Variants in UBA2 observed in about 807,000 individuals in gnomAD.
The protein encoded by UBA2 is SUMO-activating enzyme subunit 2.
A neutral mutation model predicts 77.2 loss-of-function variants in UBA2; 11 were observed. That is an observed-to-expected ratio of 0.14 (90% CI 0.09 to 0.24). The LOEUF (loss-of-function observed/expected upper bound fraction) is 0.24, where lower values mean the gene tolerates loss of function less well. UBA2 is among the 10% of genes least tolerant of loss of function. The pLI, the probability that UBA2 is intolerant of heterozygous loss-of-function variation, is 1.00. For missense variants in UBA2, 487 were observed against 781.7 expected (o/e 0.62, Z 4.50); for synonymous variants, 278 against 276.7 (o/e 1.00, Z -0.05).
At chr19:34,435,097 T>C (rs1397081316) in intron 5 of UBA2, 129 bp downstream of exon 5, 2 of 678,420 alleles carry the variant, frequency 2.9e-6, no homozygotes, top group African/African-American at 1.9e-5. Flanking sequence ...TTTATGCTTA[T>C]ATAAAACTTA....
intron 14 of UBA2, among the ~76,000 whole-genome samples, chr19:34,462,156 G>A (rs2145564035): frequency 6.6e-6 from 1 of 152,242 alleles, no homozygotes; most frequent in South Asian, 2.1e-4. Flanking sequence ...CCAGAGGAAG[G>A]GGCAGTATTT....
In UBA2 at chr19:34,469,514, T is replaced by A; in HGVS notation, c.*293T>A. On this transcript the variant is annotated 3_prime_UTR_variant, in exon 17 of 17. Coordinates refer to ENST00000246548, the MANE Select transcript of UBA2 (RefSeq NM_005499.3). ...TAATGTAAATACCCGTAGGTATCAT[T>A]AATAGTTTCAAAATATTGTGGTTTA... 5.8e-6 allele frequency: 1 copy of A among 172,082 alleles called. No homozygotes were observed. Among genetic ancestry groups the A allele is most frequent in the Non-Finnish European group, 1.2e-5 (1 of 81,290 alleles). 10.7% of individuals were successfully genotyped at this position (172,082 alleles called of 1,614,324 possible).
In UBA2 at chr19:34,463,123, G is replaced by A. The variant is rs568966412; in HGVS notation, c.1499-903G>A. 2.0e-3 allele frequency among the ~76,000 whole-genome samples: 311 copies of A among 151,780 alleles called. 2 individuals are homozygous for A. Among genetic ancestry groups the A allele is most frequent in the African/African-American group, 7.2e-3 (299 of 41,400 alleles). The stretch of plus-strand genomic sequence containing the variant: ...AAAAAAAAAAAAAGAAAGAAAATTA[G>A]TTAGGCATGGTGGTGCACACCTGTA... On this transcript the variant is annotated intron_variant, in intron 14 of 16. Coordinates refer to ENST00000246548, the MANE Select transcript of UBA2 (RefSeq NM_005499.3).
chr19:34,440,130 C>G (rs767292449), intron 6 of UBA2, among the ~76,000 whole-genome samples: 1 of 151,916 alleles, frequency 6.6e-6, no homozygotes, highest in Non-Finnish European at 1.5e-5. Context: ...TTGAGAACAG[C>G]CTGGCCAACA....
chr19:34,456,087 T>C (rs1324925046), intron 12 of UBA2, among the ~76,000 whole-genome samples: 1 of 141,436 alleles, frequency 7.1e-6, no homozygotes, highest in African/African-American at 2.6e-5. Context: ...CGATGCGCTC[T>C]TTTTTTCCTT....
At chr19:34,459,558 G>C (rs118033570) in intron 13 of UBA2, among the ~76,000 whole-genome samples, 2,218 of 152,292 alleles carry the variant, frequency 0.015, 24 homozygotes, top group South Asian at 0.025. Flanking sequence ...CACCTCTGGA[G>C]CTGAAGCGAG....
At chr19:34,456,848 G>A (rs2075567930) in intron 12 of UBA2, among the ~76,000 whole-genome samples, 2 of 152,000 alleles carry the variant, frequency 1.3e-5, no homozygotes, top group African/African-American at 2.4e-5. Context: ...GTGAGCCACC[G>A]TTCCTGGCCG....
chr19:34,433,381 T>G lies in UBA2; in HGVS notation c.327T>G (p.Phe109Leu). Residue 109 changes from phenylalanine (F) to leucine (L), a missense_variant, in exon 4 of 17, where the codon TTT becomes TTG. Physicochemically the swap from Phe to Leu is conservative, Grantham distance 22 (BLOSUM62 0). This residue lies in a region of UBA2 where 66 missense variants were observed against 112.0 expected (regional missense o/e 0.59). Transcript: ENST00000246548. ...ATAATGTGGAATTTTTCCGACAGTTTATACTGGTTATGAATGCTTTAGATA... is the reference window on the plus strand; with the variant it reads ...ATAATGTGGAATTTTTCCGACAGTTGATACTGGTTATGAATGCTTTAGATA... ...PDYNVEFFRQ[F>L]ILVMNALDNR... 1 of 1,612,324 alleles carries G rather than the reference T, an allele frequency of 6.2e-7. No homozygotes were observed. Among genetic ancestry groups the G allele is most frequent in the Non-Finnish European group, 8.5e-7 (1 of 1,178,802 alleles).
intron 10 of UBA2, among the ~76,000 whole-genome samples, chr19:34,453,342 T>C (rs2075522587): frequency 6.6e-6 from 1 of 152,072 alleles, no homozygotes; most frequent in Admixed American, 6.6e-5. Flanking sequence ...CTTGCTGAAA[T>C]CTAGAGACTA....
chr19:34,431,244 CTTTTT>C (rs1184297228), intron 2 of UBA2, among the ~76,000 whole-genome samples: 35 of 69,390 alleles, frequency 5.0e-4, no homozygotes, highest in African/African-American at 1.9e-3. Flanking sequence ...ATTTTCTTTT[CTTTTT>C]TTTTTTTTTT....
intron 5 of UBA2, among the ~76,000 whole-genome samples, chr19:34,437,990 G>C (rs2075328006): frequency 6.6e-6 from 1 of 152,156 alleles, no homozygotes; most frequent in Non-Finnish European, 1.5e-5. Flanking sequence ...GGGAGGCGGA[G>C]ATTGCAGCCA....
At position 34,428,887 on chromosome 19, in the gene UBA2, C is replaced by A. The variant is rs2075219335; in HGVS notation, c.138+317C>A. The A allele has an allele frequency of 2.9e-6, 3 of 1,027,136 alleles. No homozygotes were observed. In the Admixed American group the frequency reaches 1.7e-4, roughly 59 times the overall value. 63.6% of individuals were successfully genotyped at this position (1,027,136 alleles called of 1,614,324 possible). A position where few individuals can be genotyped will look rare whatever the true frequency, so the allele number is the denominator to read the frequency against. On this transcript the variant is annotated intron_variant, in intron 1 of 16. Transcript: ENST00000246548. ...CTTATCCTCCCTTCAAAACAAATTC[C>A]CGGCTGTTAGGAGATGCGGGAGAGG...
intron 5 of UBA2, among the ~76,000 whole-genome samples, chr19:34,437,293 A>T (rs958174308): frequency 2.7e-5 from 4 of 149,726 alleles, no homozygotes; most frequent in Non-Finnish European, 5.9e-5. Context: ...TGTTACTGTG[A>T]TTCTGACACA....
At chr19:34,466,459 T>G (rs534637604) in intron 15 of UBA2, among the ~76,000 whole-genome samples, 1 of 152,354 alleles carries the variant, frequency 6.6e-6, no homozygotes, top group East Asian at 1.9e-4. Flanking sequence ...GTTTTATGCT[T>G]CAGCAATAAA....
In UBA2 at chr19:34,452,017, C is replaced by T. The variant is rs2145540335; in HGVS notation, c.908C>T (p.Pro303Leu). The part of the protein sequence containing the change: ...ETNASDQQNE[P>L]QLGLKDQQVL... ...AATGCATCAGATCAACAGAATGAACCCCAGTTAGGCCTGAAAGACCAGCAG... is the reference window on the plus strand; with the variant it reads ...AATGCATCAGATCAACAGAATGAACTCCAGTTAGGCCTGAAAGACCAGCAG... The change falls in exon 10 of 17, where the codon CCC (proline) becomes CTC (leucine). Residue 303 changes from proline to leucine, a missense_variant. Coordinates refer to ENST00000246548, the MANE Select transcript of UBA2 (RefSeq NM_005499.3). 1.3e-6 allele frequency: 2 copies of T among 1,597,860 alleles called. No homozygotes were observed. Among genetic ancestry groups the T allele is most frequent in the African/African-American group, 1.3e-5 (1 of 74,478 alleles).
chr19:34,431,656 G>T (rs1030868562), intron 2 of UBA2, among the ~76,000 whole-genome samples: 5 of 152,052 alleles, frequency 3.3e-5, no homozygotes, highest in African/African-American at 4.8e-5. Context: ...GTCAGGGGGG[G>T]CTCTCCGGTT....
chr19:34,428,875 C>G, intron 1 of UBA2: 1 of 1,058,476 alleles, frequency 9.4e-7, no homozygotes, highest in Non-Finnish European at 1.1e-6. Flanking sequence ...ATCCTCCCTT[C>G]AAAACAAATT....
chr19:34,428,860 C>G (rs1026488197), intron 1 of UBA2: 1 of 1,085,402 alleles, frequency 9.2e-7, no homozygotes, highest in Non-Finnish European at 1.1e-6. Context: ...GTGAAGCCGC[C>G]TCTTATCCTC....
intron 10 of UBA2, among the ~76,000 whole-genome samples, chr19:34,452,921 G>T (rs1036033791): frequency 5.3e-5 from 8 of 152,156 alleles, no homozygotes; most frequent in African/African-American, 1.7e-4. Context: ...AGTCTCTTGG[G>T]TTTTGTGATA....
Sources: gnomAD v4.1 joint callset for allele counts (sites outside exome capture counted in the v4.1 genomes callset) on GRCh38, gnomAD v4.1.1 for gene constraint, gnomAD v4.1.1 regional missense constraint, MANE v1.5 for transcripts, NCBI Gene and HGNC (gene_info 2026-07-23, HGNC 2026-07-21) for gene names.